The following IGBP1C variants were observed in gnomAD, a reference collection of about 807,000 sequenced individuals.
IGBP1C encodes the protein IGBP1 family member C, also known as immunoglobulin-binding protein 1 family member C.
chr17:58,686,499 G>A, the IGBP1C span, among the ~76,000 whole-genome samples: 14 of 152,134 alleles, frequency 9.2e-5, no homozygotes, highest in African/African-American at 2.9e-4. Flanking sequence ...GCATCTGGAC[G>A]GCAGAGGGTC....
chr17:58,680,681 A>C, the IGBP1C span, among the ~76,000 whole-genome samples: 2 of 152,096 alleles, frequency 1.3e-5, no homozygotes, highest in African/African-American at 4.8e-5. Flanking sequence ...GGTTGCAATG[A>C]GCTGAGATCA....
At chr17:58,661,440 C>T in the IGBP1C span, 1 of 802,368 alleles carries the variant, frequency 1.2e-6, no homozygotes, top group East Asian at 2.4e-5. Context: ...ATTTTGGCAA[C>T]CTTGTCAAGG....
the IGBP1C span, among the ~76,000 whole-genome samples, chr17:58,679,913 C>T: frequency 6.6e-6 from 1 of 152,148 alleles, no homozygotes; most frequent in Admixed American, 6.6e-5. Flanking sequence ...TATCTACATA[C>T]TCCACACCCC....
chr17:58,687,581 C>A, the IGBP1C span, among the ~76,000 whole-genome samples: 1 of 152,040 alleles, frequency 6.6e-6, no homozygotes, highest in African/African-American at 2.4e-5. Flanking sequence ...GATCCACCCA[C>A]CTAAGCCTCC....
the IGBP1C span, among the ~76,000 whole-genome samples, chr17:58,682,948 G>C: frequency 6.6e-6 from 1 of 151,754 alleles, no homozygotes; most frequent in South Asian, 2.1e-4. Flanking sequence ...AGCTGGATGC[G>C]GTGGCTAACA....
chr17:58,663,769 C>G, the IGBP1C span, among the ~76,000 whole-genome samples: 1 of 152,128 alleles, frequency 6.6e-6, no homozygotes, highest in African/African-American at 2.4e-5. Flanking sequence ...TGCCAGGCCA[C>G]TAAATGTCTT....
the IGBP1C span, among the ~76,000 whole-genome samples, chr17:58,663,786 C>T: frequency 1.3e-5 from 2 of 152,272 alleles, no homozygotes; most frequent in Middle Eastern, 3.4e-3. Context: ...TCTTACTCAA[C>T]ACCCTGAGTT....
At chr17:58,691,716 T>C in the IGBP1C span, among the ~76,000 whole-genome samples, 1 of 147,742 alleles carries the variant, frequency 6.8e-6, no homozygotes, top group Admixed American at 6.8e-5. Flanking sequence ...AGTTACCCCC[T>C]GCTAAATAAG....
chr17:58,663,966 T>G, the IGBP1C span, among the ~76,000 whole-genome samples: 1 of 152,094 alleles, frequency 6.6e-6, no homozygotes, highest in Non-Finnish European at 1.5e-5. Context: ...TCACCTGAGT[T>G]TGGGAAGGTG....
At chr17:58,687,020 CCCA>C in the IGBP1C span, among the ~76,000 whole-genome samples, 2 of 151,802 alleles carry the variant, frequency 1.3e-5, no homozygotes, top group African/African-American at 2.4e-5. Context: ...ATTACAGATG[CCCA>C]CCACCACACC....
the IGBP1C span, among the ~76,000 whole-genome samples, chr17:58,682,786 G>C: frequency 2.0e-5 from 3 of 152,142 alleles, no homozygotes; most frequent in African/African-American, 7.2e-5. Context: ...GTTCAAGGGA[G>C]TCAGCCTTAG....
chr17:58,679,609 C>G, the IGBP1C span: 1 of 152,346 alleles, frequency 6.6e-6, no homozygotes, highest in East Asian at 1.9e-4. Context: ...CAGGGGTCAG[C>G]ACATCCACAA....
At chr17:58,688,699 A>G in the IGBP1C span, among the ~76,000 whole-genome samples, 5 of 152,098 alleles carry the variant, frequency 3.3e-5, no homozygotes, top group African/African-American at 1.2e-4. Context: ...TGTGATACAA[A>G]TCCAAATCTG....
chr17:58,670,791 A>G, the IGBP1C span, among the ~76,000 whole-genome samples: 1 of 151,164 alleles, frequency 6.6e-6, no homozygotes, highest in African/African-American at 2.4e-5. Context: ...AAAAAAAAAA[A>G]AAAAAAAAAG....
chr17:58,670,710 T>C, the IGBP1C span, among the ~76,000 whole-genome samples: 1 of 129,646 alleles, frequency 7.7e-6, no homozygotes, highest in Non-Finnish European at 1.5e-5. Flanking sequence ...GAGGTGGAGG[T>C]TGCAGTGAGT....
At chr17:58,683,881 A>G in the IGBP1C span, among the ~76,000 whole-genome samples, 4 of 151,660 alleles carry the variant, frequency 2.6e-5, no homozygotes, top group African/African-American at 4.8e-5. Context: ...CCTGGCCAAC[A>G]TGATGAAACC....
the IGBP1C span, among the ~76,000 whole-genome samples, chr17:58,685,910 G>A: frequency 8.2e-5 from 12 of 146,038 alleles, no homozygotes; most frequent in East Asian, 2.0e-4. Flanking sequence ...CAGGACAATC[G>A]CCTGAACATG....
chr17:58,680,067 A>G, the IGBP1C span, among the ~76,000 whole-genome samples: 8 of 147,232 alleles, frequency 5.4e-5, no homozygotes, highest in Admixed American at 3.4e-4. Flanking sequence ...TGATGCCACT[A>G]TGGTGTCTTT....
chr17:58,690,444 G>A, the IGBP1C span, among the ~76,000 whole-genome samples: 3 of 152,286 alleles, frequency 2.0e-5, no homozygotes, highest in South Asian at 6.2e-4. Context: ...TGGATTCCAG[G>A]CTTAAGCCAC....
Sources: allele counts gnomAD v4.1 joint callset (sites outside exome capture counted in the v4.1 genomes callset), GRCh38; gene constraint gnomAD v4.1.1; transcripts MANE v1.5; gene names NCBI Gene and HGNC (gene_info 2026-07-23, HGNC 2026-07-21).